Variants in ME1 observed in about 807,000 individuals in gnomAD.
The protein encoded by ME1 is NADP-dependent malic enzyme.
ME1 carries 74 observed loss-of-function variants against 66.4 expected under a neutral mutation model. That is an observed-to-expected ratio of 1.11 (90% confidence interval 0.92 to 1.35). The LOEUF is 1.35. Ranked by LOEUF, ME1 falls within the 40% of genes most tolerant of loss-of-function variation. The pLI is 0.00. For missense variants in ME1, 750 were observed against 694.1 expected, an observed-to-expected ratio of 1.08 and a Z score of -0.90; for synonymous variants, 251 against 235.6, an observed-to-expected ratio of 1.07 and a Z score of -0.60.
chr6:83,375,715 A>G (rs1360997781), intron 3 of ME1, among the ~76,000 whole-genome samples: 2 of 152,328 alleles, frequency 1.3e-5, no homozygotes, highest in South Asian at 4.1e-4. Context: ...ATTCAGTATG[A>G]TAATGGCTGT....
chr6:83,328,804 C>T (rs1327172061), intron 5 of ME1, among the ~76,000 whole-genome samples: 1 of 151,974 alleles, frequency 6.6e-6, no homozygotes, highest in African/African-American at 2.4e-5. Context: ...AGGTGTTACA[C>T]TAAATGCATG....
intron 9 of ME1, chr6:83,229,214 T>G: frequency 6.2e-6 from 3 of 486,334 alleles, no homozygotes; most frequent in Non-Finnish European, 1.2e-5. Context: ...ATGTGAGAAC[T>G]AGCATTAACA....
chr6:83,409,471 C>A (rs1245538572), intron 1 of ME1, among the ~76,000 whole-genome samples: 2 of 152,080 alleles, frequency 1.3e-5, no homozygotes. Flanking sequence ...GGTGACAAAC[C>A]CTGATTGGTT....
chr6:83,275,160 CCT>C (rs978817793), intron 6 of ME1, among the ~76,000 whole-genome samples: 1 of 151,900 alleles, frequency 6.6e-6, no homozygotes, highest in Non-Finnish European at 1.5e-5. Flanking sequence ...ACGGTGAAAC[CCT>C]GTCTCTACTA....
chr6:83,403,052 T>C (rs1434716152), intron 2 of ME1, among the ~76,000 whole-genome samples: 1 of 152,238 alleles, frequency 6.6e-6, no homozygotes, highest in African/African-American at 2.4e-5. Flanking sequence ...TGCATCATAG[T>C]ATTTAAGTAC....
At chr6:83,326,528 T>G (rs1768294487) in intron 5 of ME1, among the ~76,000 whole-genome samples, 1 of 39,674 alleles carries the variant, frequency 2.5e-5, no homozygotes, top group Admixed American at 3.8e-4. Flanking sequence ...ACAAGGAACT[T>G]AAATTTACAA....
At chr6:83,383,336 A>G (rs1318368323) in intron 3 of ME1, among the ~76,000 whole-genome samples, 3 of 151,996 alleles carry the variant, frequency 2.0e-5, no homozygotes, top group Non-Finnish European at 4.4e-5. Flanking sequence ...AGCAAATGTT[A>G]CTGACTCAAT....
In ME1 at chr6:83,211,795, A is replaced by G. The variant is rs999486871; in HGVS notation, c.*129T>C. 14 of 601,140 alleles carry G rather than the reference A, an allele frequency of 2.3e-5. No homozygotes were observed. The African/African-American group carries it at 2.7e-4, about 11-fold the overall frequency. 37.2% of individuals were successfully genotyped at this position (601,140 alleles called of 1,614,324 possible). A position where few individuals can be genotyped will look rare whatever the true frequency, so the allele number is the denominator to read the frequency against. On this transcript the variant is annotated 3_prime_UTR_variant, in exon 14 of 14. Transcript: ENST00000369705. ...CAATTTATATCGATATTCTTCTATC[A>G]ATTTTTAGACTGTTAAAGTAAAATC...
At chr6:83,224,695 AAAT>A (rs1220443970) in intron 11 of ME1, among the ~76,000 whole-genome samples, 1 of 109,778 alleles carries the variant, frequency 9.1e-6, no homozygotes, top group Non-Finnish European at 1.8e-5. Flanking sequence ...AAAAAAAAAA[AAAT>A]AAAAATAATA....
At chr6:83,273,871 G>A (rs538671139) in intron 6 of ME1, among the ~76,000 whole-genome samples, 1 of 152,248 alleles carries the variant, frequency 6.6e-6, no homozygotes, top group African/African-American at 2.4e-5. Context: ...CAGTTATTTG[G>A]TTAAGTGCCT....
At chr6:83,391,868 G>A (rs898788349) in intron 3 of ME1, among the ~76,000 whole-genome samples, 32 of 152,056 alleles carry the variant, frequency 2.1e-4, no homozygotes, top group Non-Finnish European at 4.0e-4. Context: ...CTTCCAATGA[G>A]ACCCACAGTG....
chr6:83,384,270 A>G (rs529183948), intron 3 of ME1, among the ~76,000 whole-genome samples: 7 of 152,004 alleles, frequency 4.6e-5, no homozygotes, highest in African/African-American at 1.7e-4. Flanking sequence ...AGTGGCTAAA[A>G]TAATTTACAT....
At chr6:83,243,725 TTATATAA>T (rs1790556477) in intron 7 of ME1, among the ~76,000 whole-genome samples, 1 of 133,342 alleles carries the variant, frequency 7.5e-6, no homozygotes, top group Non-Finnish European at 1.5e-5. Flanking sequence ...AATTGTGTAT[TTATATAA>T]TATATAATTA....
Position 83,426,584 on chromosome 6 carries a change from A to T in ME1, c.78+4293T>A, listed in dbSNP as rs1414201470. ...CATTGAAGAAAAAGAGGTTTAGGGT[A>T]CTTTTCCTTCATTGCCATGAATCTT... On this transcript the variant is annotated intron_variant, in intron 1 of 13. Transcript: ENST00000369705. Among the ~76,000 whole-genome samples the T allele has an allele frequency of 3.9e-5, 6 of 152,228 alleles. No individual in the cohort carries two copies. In the East Asian group the frequency reaches 1.2e-3, roughly 29 times the overall value.
rs111968489 is a variant in ME1 at position 83,235,270 on chromosome 6, G to A, written c.1026+2447C>T. ...AATACTTTCATATGGTTCTAGTTCT[G>A]TAACTAGTGGCTTGAATTTTTCTCA... On this transcript the variant is annotated intron_variant, in intron 9 of 13. Coordinates refer to ENST00000369705, the MANE Select transcript of ME1 (RefSeq NM_002395.6). 1.6e-3 allele frequency among the ~76,000 whole-genome samples: 250 copies of A among 152,122 alleles called. 1 individual carries two copies. Among genetic ancestry groups the A allele is most frequent in the African/African-American group, 5.5e-3 (230 of 41,496 alleles).
At chr6:83,395,781 A>G (rs964890884) in intron 3 of ME1, among the ~76,000 whole-genome samples, 2 of 151,900 alleles carry the variant, frequency 1.3e-5, no homozygotes, top group African/African-American at 4.8e-5. Context: ...GCCAAATCTT[A>G]AATCTAGAGA....
At chr6:83,286,550 A>T (rs936412135) in intron 6 of ME1, among the ~76,000 whole-genome samples, 5 of 152,200 alleles carry the variant, frequency 3.3e-5, no homozygotes, top group African/African-American at 9.6e-5. Flanking sequence ...AAATATTGAG[A>T]AACAATGAGT....
intron 3 of ME1, among the ~76,000 whole-genome samples, chr6:83,353,037 T>TA (rs1338505530): frequency 6.6e-6 from 1 of 152,226 alleles, no homozygotes; most frequent in African/African-American, 2.4e-5. Flanking sequence ...TTTATTATTT[T>TA]ATCACCAAAT....
At chr6:83,299,239 C>A (rs1228156088) in intron 6 of ME1, among the ~76,000 whole-genome samples, 1 of 151,984 alleles carries the variant, frequency 6.6e-6, no homozygotes, top group African/African-American at 2.4e-5. Flanking sequence ...TATCCATGAG[C>A]ATGGAAGGTT....
Sources: gnomAD v4.1 joint callset for allele counts (sites outside exome capture counted in the v4.1 genomes callset) on GRCh38, gnomAD v4.1.1 for gene constraint, MANE v1.5 for transcripts, NCBI Gene and HGNC (gene_info 2026-07-23, HGNC 2026-07-21) for gene names.